Variants in DDAH1 observed in about 807,000 individuals in gnomAD.
DDAH1 encodes dimethylarginine dimethylaminohydrolase 1, also known as N(G),N(G)-dimethylarginine dimethylaminohydrolase 1.
In DDAH1, 19 loss-of-function variants were observed where a neutral mutation model predicts 28.8. The observed-to-expected ratio is 0.66, with a 90% CI of 0.46 to 0.97. DDAH1 has a LOEUF of 0.97. Ranked by LOEUF, DDAH1 falls within the 50% of genes least tolerant of loss-of-function variation. DDAH1 has a pLI of 0.00. For synonymous variants in DDAH1, 153 were observed against 154.4 expected (o/e 0.99, Z 0.07); for missense variants, 326 against 375.9 (o/e 0.87, Z 1.10).
At chr1:85,507,827 G>T (rs189275968) in intron 1 of DDAH1, among the ~76,000 whole-genome samples, 1 of 152,102 alleles carries the variant, frequency 6.6e-6, no homozygotes, top group African/African-American at 2.4e-5. Flanking sequence ...GGAATAAAAA[G>T]AAAATAGTTG....
intron 1 of DDAH1, among the ~76,000 whole-genome samples, chr1:85,532,243 T>C (rs1317867323): frequency 6.6e-6 from 1 of 151,836 alleles, no homozygotes; most frequent in Non-Finnish European, 1.5e-5. Flanking sequence ...AAGTGCCTTA[T>C]AATGTGACCA....
intron 1 of DDAH1, chr1:85,399,539 T>C (rs1651971232): frequency 6.6e-6 from 1 of 152,248 alleles, no homozygotes; most frequent in Non-Finnish European, 1.5e-5. Context: ...GCTCCTGCAT[T>C]AGGCCCCAAC....
At chr1:85,570,703 T>A (rs534416976) in intron 1 of DDAH1, among the ~76,000 whole-genome samples, 1 of 152,152 alleles carries the variant, frequency 6.6e-6, no homozygotes, top group Non-Finnish European at 1.5e-5. Flanking sequence ...TGTTCTCTGA[T>A]CAAACCGATG....
intron 1 of DDAH1, among the ~76,000 whole-genome samples, chr1:85,551,514 T>C (rs1199727958): frequency 6.6e-6 from 1 of 152,178 alleles, no homozygotes; most frequent in Non-Finnish European, 1.5e-5. Context: ...CACAGACCAA[T>C]ATGAGTTAAG....
At chr1:85,439,241 G>A (rs561448322) in intron 1 of DDAH1, among the ~76,000 whole-genome samples, 155 of 152,258 alleles carry the variant, frequency 1.0e-3, no homozygotes, top group Middle Eastern at 3.4e-3. Flanking sequence ...AAGACAATTC[G>A]CCAACTAATC....
intron 1 of DDAH1, among the ~76,000 whole-genome samples, chr1:85,362,401 G>T (rs1649841942): frequency 6.6e-6 from 1 of 152,004 alleles, no homozygotes; most frequent in Non-Finnish European, 1.5e-5. Context: ...CCACTCTAAG[G>T]GACCCAATCA....
chr1:85,483,814 C>T (rs902735348), intron 2 of DDAH1, among the ~76,000 whole-genome samples: 1 of 152,112 alleles, frequency 6.6e-6, no homozygotes, highest in Non-Finnish European at 1.5e-5. Context: ...GTTATCTAGT[C>T]TCAACTCATT....
chr1:85,457,337 C>G (rs768660409), intron 1 of DDAH1, among the ~76,000 whole-genome samples: 2 of 152,172 alleles, frequency 1.3e-5, no homozygotes, highest in African/African-American at 2.4e-5. Flanking sequence ...TTCTGGGAAG[C>G]CTTGGTGTGG....
intron 1 of DDAH1, among the ~76,000 whole-genome samples, chr1:85,390,057 T>C (rs1651470384): frequency 6.6e-6 from 1 of 152,214 alleles, no homozygotes; most frequent in Non-Finnish European, 1.5e-5. Context: ...AGTCAAAAGA[T>C]AGAAAGAAAT....
chr1:85,548,039 G>A (rs745667497), intron 1 of DDAH1, among the ~76,000 whole-genome samples: 2 of 152,156 alleles, frequency 1.3e-5, no homozygotes, highest in African/African-American at 4.8e-5. Flanking sequence ...TCTGCAAATT[G>A]ATTTGCATAC....
intron 1 of DDAH1, among the ~76,000 whole-genome samples, chr1:85,397,930 G>A (rs990473670): frequency 2.0e-4 from 30 of 151,934 alleles, no homozygotes; most frequent in African/African-American, 7.2e-4. Context: ...ACCGGAAGTT[G>A]AGGAGATGCT....
chr1:85,414,616 A>C (rs529906336), intron 1 of DDAH1, among the ~76,000 whole-genome samples: 2 of 152,324 alleles, frequency 1.3e-5, no homozygotes, highest in South Asian at 2.1e-4. Flanking sequence ...CGATAGGTAC[A>C]GTGTTTCTCT....
intron 1 of DDAH1, among the ~76,000 whole-genome samples, chr1:85,548,140 A>C (rs1658680793): frequency 6.6e-6 from 1 of 152,252 alleles, no homozygotes; most frequent in African/African-American, 2.4e-5. Context: ...TGACTTAATA[A>C]AATACAAATT....
At chr1:85,530,940 G>A (rs1368315085) in intron 1 of DDAH1, among the ~76,000 whole-genome samples, 10 of 144,074 alleles carry the variant, frequency 6.9e-5, no homozygotes, top group South Asian at 2.3e-4. Context: ...GCAGTGAGCC[G>A]AGATCGTGCC....
intron 1 of DDAH1, among the ~76,000 whole-genome samples, chr1:85,455,650 A>T (rs1180935197): frequency 1.3e-5 from 2 of 152,144 alleles, no homozygotes; most frequent in African/African-American, 4.8e-5. Flanking sequence ...TTTACTCTCC[A>T]TTTCTTCAGG....
At position 85,538,471 on chromosome 1, in the gene DDAH1, G is replaced by A. The variant is rs1411376080; in HGVS notation, c.-123+39513C>T. ...TTATTAGTGTTGGATTGCCCTAAAA[G>A]GGGAACACCCGGGGGCCTACCTCAA... On this transcript the variant is annotated intron_variant, in intron 1 of 6. Coordinates refer to the DDAH1 transcript ENST00000426972. Among the ~76,000 whole-genome samples, 3 of 152,256 alleles carry A rather than the reference G, an allele frequency of 2.0e-5. No individual in the cohort carries two copies. In the East Asian group the frequency reaches 5.8e-4, roughly 29 times the overall value.
chr1:85,557,450 A>T (rs1431832365), intron 1 of DDAH1, among the ~76,000 whole-genome samples: 1 of 152,242 alleles, frequency 6.6e-6, no homozygotes, highest in Non-Finnish European at 1.5e-5. Context: ...ACTGAAGTGT[A>T]GAAAGGCCAG....
At chr1:85,395,254 A>C (rs573136181) in intron 1 of DDAH1, among the ~76,000 whole-genome samples, 162 of 152,338 alleles carry the variant, frequency 1.1e-3, no homozygotes, top group African/African-American at 3.8e-3. Context: ...CTGAGAATAT[A>C]TTTTTGGTAA....
intron 1 of DDAH1, among the ~76,000 whole-genome samples, chr1:85,370,432 C>T (rs1410752272): frequency 6.6e-6 from 1 of 152,200 alleles, no homozygotes; most frequent in Non-Finnish European, 1.5e-5. Flanking sequence ...ACTTGGTAAA[C>T]TCACATAAAG....
Sources: gnomAD v4.1 joint callset for allele counts (sites outside exome capture counted in the v4.1 genomes callset) on GRCh38, gnomAD v4.1.1 for gene constraint, MANE v1.5 for transcripts, NCBI Gene and HGNC (gene_info 2026-07-23, HGNC 2026-07-21) for gene names.